The following TENM2 variants were observed in gnomAD, a reference collection of about 807,000 sequenced individuals.
TENM2 encodes teneurin transmembrane protein 2.
In TENM2, 52 loss-of-function variants were observed where a neutral mutation model predicts 245.2. The observed-to-expected ratio is 0.21, with a 90% CI of 0.17 to 0.27. The LOEUF (loss-of-function observed/expected upper bound fraction) is 0.27. Ranked by LOEUF, TENM2 falls within the 10% of genes least tolerant of loss-of-function variation. The pLI, the probability that TENM2 is intolerant of heterozygous loss-of-function variation, is 1.00. For missense variants in TENM2, 3,046 were observed against 3,666.8 expected (o/e 0.83, Z 4.37); for synonymous variants, 1,363 against 1,438.9 (o/e 0.95, Z 1.19).
chr5:167,339,355 C>A (rs114516692), intron 1 of TENM2, among the ~76,000 whole-genome samples: 4 of 152,138 alleles, frequency 2.6e-5, no homozygotes, highest in East Asian at 1.9e-4. Context: ...TCCTCTTTAG[C>A]TGAAACTGGC....
intron 2 of TENM2, among the ~76,000 whole-genome samples, chr5:167,379,705 T>A (rs1760979128): frequency 6.6e-6 from 1 of 152,020 alleles, no homozygotes; most frequent in South Asian, 2.1e-4. Flanking sequence ...TACTAAGAGC[T>A]CCAGACCTAG....
intron 1 of TENM2, among the ~76,000 whole-genome samples, chr5:167,311,950 C>G (rs562941435): frequency 6.6e-6 from 1 of 152,098 alleles, no homozygotes; most frequent in East Asian, 1.9e-4. Context: ...GTCATTTTAT[C>G]TGGAGCCTAG....
chr5:167,861,058 A>C (rs1187170101), intron 2 of TENM2, among the ~76,000 whole-genome samples: 2 of 151,278 alleles, frequency 1.3e-5, no homozygotes, highest in Non-Finnish European at 2.9e-5. Flanking sequence ...AAATTAAAAA[A>C]AAAAAAAAAA....
intron 3 of TENM2, among the ~76,000 whole-genome samples, chr5:167,935,900 T>A (rs535219690): frequency 5.9e-4 from 90 of 152,306 alleles, no homozygotes; most frequent in African/African-American, 2.1e-3. Context: ...GATTTTTTTT[T>A]TCGATTTCCC....
At chr5:167,036,649 G>A in the TENM2 span, among the ~76,000 whole-genome samples, 1 of 152,112 alleles carries the variant, frequency 6.6e-6, no homozygotes, top group Non-Finnish European at 1.5e-5. Flanking sequence ...CTTTCATGAA[G>A]TTTTCCTTCT....
chr5:168,031,841 G>C (rs1406488853), intron 5 of TENM2, among the ~76,000 whole-genome samples: 1 of 151,840 alleles, frequency 6.6e-6, no homozygotes, highest in East Asian at 1.9e-4. Flanking sequence ...GGGAAAGAAA[G>C]AAAAAAGCTT....
chr5:167,243,726 C>G, the TENM2 span, among the ~76,000 whole-genome samples: 1 of 152,128 alleles, frequency 6.6e-6, no homozygotes, highest in South Asian at 2.1e-4. Flanking sequence ...GCAACATCCT[C>G]CTAACACATC....
chr5:168,165,907 C>T (rs1308669353), intron 13 of TENM2: 1 of 151,842 alleles, frequency 6.6e-6, no homozygotes, highest in Non-Finnish European at 1.5e-5. Context: ...TCTCACCTGG[C>T]ATAAGCAATT....
chr5:167,671,056 TTTC>T (rs1309040477), intron 2 of TENM2, among the ~76,000 whole-genome samples: 1 of 151,948 alleles, frequency 6.6e-6, no homozygotes, highest in Non-Finnish European at 1.5e-5. Context: ...TTGTGACTTG[TTTC>T]TTTTTTCCCC....
intron 6 of TENM2, among the ~76,000 whole-genome samples, chr5:168,047,978 C>T (rs1323111878): frequency 1.3e-5 from 2 of 152,192 alleles, no homozygotes; most frequent in Admixed American, 6.5e-5. Context: ...GGGTCCCTCT[C>T]CCAGGAGACA....
At position 168,218,545 on chromosome 5, in the gene TENM2, G is replaced by C; in HGVS notation, c.4654G>C (p.Ala1552Pro). 1 of 1,614,012 alleles carries C rather than the reference G, an allele frequency of 6.2e-7. No individual in the cohort carries two copies. Among genetic ancestry groups the C allele is most frequent in the Non-Finnish European group, 8.5e-7 (1 of 1,179,914 alleles). The change falls in exon 23 of 29, where the codon GCT becomes CCT. Residue 1552 changes from alanine to proline, a missense_variant. This residue lies in a region of TENM2 where 2,704 missense variants were observed against 3,331.9 expected (regional missense o/e 0.81). Transcript: ENST00000518659. The surrounding 1 kb of genome is among the most constrained non-coding windows in gnomAD (Gnocchi z 5.2). ...GAATTCCCCATCATCCTTAGCTGTA[G>C]CTCCAGATGGTACCATTTACATTGC...
intron 25 of TENM2, among the ~76,000 whole-genome samples, chr5:168,234,760 C>T (rs953956460): frequency 1.3e-5 from 2 of 152,178 alleles, no homozygotes; most frequent in African/African-American, 2.4e-5. Context: ...CATATAACCA[C>T]GCTCTAGGAT....
chr5:167,900,111 T>TGAA (rs772145845), intron 3 of TENM2, among the ~76,000 whole-genome samples: 1 of 43,450 alleles, frequency 2.3e-5, no homozygotes, highest in Non-Finnish European at 3.7e-5. Flanking sequence ...CTCAACCCAC[T>TGAA]AAAAAAAAAA....
intron 1 of TENM2, among the ~76,000 whole-genome samples, chr5:167,295,184 C>T (rs1475936404): frequency 6.6e-6 from 1 of 152,178 alleles, no homozygotes; most frequent in Non-Finnish European, 1.5e-5. Context: ...ATGGAAAGCA[C>T]AGCTCAGAAA....
chr5:168,107,900 G>A (rs1385413028), intron 9 of TENM2, among the ~76,000 whole-genome samples: 5 of 152,160 alleles, frequency 3.3e-5, no homozygotes, highest in Admixed American at 6.5e-5. Flanking sequence ...TGGCAACATC[G>A]CAGCAGTGGC....
intron 2 of TENM2, among the ~76,000 whole-genome samples, chr5:167,590,568 A>AT (rs1031951584): frequency 6.6e-5 from 10 of 151,126 alleles, no homozygotes; most frequent in Non-Finnish European, 1.2e-4. Context: ...ACTCCTTTTT[A>AT]TTTTTTTTCT....
intron 2 of TENM2, among the ~76,000 whole-genome samples, chr5:167,734,510 TAATA>T (rs1483075487): frequency 2.0e-5 from 3 of 148,532 alleles, no homozygotes; most frequent in Non-Finnish European, 3.0e-5. Context: ...AAATAATATA[TAATA>T]AATATATTAA....
chr5:167,393,038 C>T (rs1047640701), intron 2 of TENM2, among the ~76,000 whole-genome samples: 1 of 151,578 alleles, frequency 6.6e-6, no homozygotes, highest in Non-Finnish European at 1.5e-5. Flanking sequence ...AGGCTAATTG[C>T]TTCAACCAAG....
intron 1 of TENM2, among the ~76,000 whole-genome samples, chr5:167,337,219 G>A (rs917486112): frequency 1.3e-5 from 2 of 149,466 alleles, no homozygotes; most frequent in Non-Finnish European, 3.0e-5. Context: ...TGTAGTGTAC[G>A]TAAGACATAC....
Sources: allele counts gnomAD v4.1 joint callset (sites outside exome capture counted in the v4.1 genomes callset), GRCh38; gene constraint gnomAD v4.1.1; regional missense constraint gnomAD v4.1.1; non-coding constraint Gnocchi (gnomAD v3.1); transcripts MANE v1.5; gene names NCBI Gene and HGNC (gene_info 2026-07-23, HGNC 2026-07-21).